The following QSER1 variants were observed in gnomAD, a reference collection of about 807,000 sequenced individuals.
QSER1 encodes the protein glutamine and serine rich 1, also known as glutamine and serine-rich protein 1.
A neutral mutation model predicts 158.5 loss-of-function variants in QSER1; 49 were observed. The ratio of observed to expected loss-of-function variants is 0.31; its 90% CI spans 0.25 to 0.39. The LOEUF (loss-of-function observed/expected upper bound fraction) is 0.39, where lower values mean the gene tolerates loss of function less well. QSER1 is among the 10% of genes least tolerant of loss of function. The pLI is 1.00. For synonymous variants in QSER1, 650 were observed against 715.5 expected (o/e 0.91, Z 1.46); for missense variants, 1,754 against 2,010.3 (o/e 0.87, Z 2.44).
chr11:32,931,902 A>G lies in QSER1; in HGVS notation c.644A>G (p.Asn215Ser), dbSNP rs1208184130. The change falls in exon 4 of 13, where the codon AAC becomes AGC. Residue 215 changes from asparagine (N) to serine (S), a missense_variant. Transcript: ENST00000650167. ...TTGGTGCTTCAGGATTCAACTTTTA[A>G]CACTACATCAAATGGAATTTTAAGT... ...SPLVLQDSTF[N>S]TTSNGILSHH... 6.2e-7 allele frequency: 1 copy of G among 1,614,198 alleles called. No homozygotes were observed. The highest frequency in any genetic ancestry group is 8.5e-7 in the Non-Finnish European group (1 of 1,180,026).
intron 4 of QSER1, among the ~76,000 whole-genome samples, chr11:32,950,282 C>T (rs1191186121): frequency 4.6e-5 from 7 of 151,962 alleles, no homozygotes; most frequent in Non-Finnish European, 8.8e-5. Context: ...TTAGTGGACA[C>T]GGGGTTTTAC....
intron 6 of QSER1, 31 bp downstream of exon 6, chr11:32,955,443 A>T: frequency 3.9e-6 from 4 of 1,032,544 alleles, no homozygotes; most frequent in Non-Finnish European, 4.4e-6. Flanking sequence ...CATTAGCCTT[A>T]TTTTGACAGT....
chr11:32,932,631 C>T lies in QSER1; in HGVS notation c.1373C>T (p.Thr458Ile). 1 of 1,614,106 alleles carries T rather than the reference C, an allele frequency of 6.2e-7. No individual in the cohort carries two copies. Among genetic ancestry groups the T allele is most frequent in the Non-Finnish European group, 8.5e-7 (1 of 1,180,020 alleles). The change falls in exon 4 of 13, where the codon ACA becomes ATA. Residue 458 changes from threonine (T) to isoleucine (I), a missense_variant. Transcript: ENST00000650167. Reference sequence around the variant, plus strand: ...TCGGGCCAAGCACAAATTTATTCTACAGCGCAGCTACCAAGCCTTTTATCA... The same window carrying T: ...TCGGGCCAAGCACAAATTTATTCTATAGCGCAGCTACCAAGCCTTTTATCA... ...VISGQAQIYSTAQLPSLLSVS... is the reference protein window; with the variant it reads ...VISGQAQIYSIAQLPSLLSVS...
chr11:32,973,125 A>AGATTTAAGG (rs1222959476), intron 10 of QSER1, among the ~76,000 whole-genome samples: 2 of 152,226 alleles, frequency 1.3e-5, no homozygotes, highest in African/African-American at 4.8e-5. Context: ...GAGTTGGCTC[A>AGATTTAAGG]GATTTAAGGG....
intron 1 of QSER1, among the ~76,000 whole-genome samples, chr11:32,901,108 C>A (rs1851619384): frequency 6.6e-6 from 1 of 152,196 alleles, no homozygotes; most frequent in Non-Finnish European, 1.5e-5. Flanking sequence ...TGTATTTTGA[C>A]TCCACCACTT....
At chr11:32,975,619 T>C (rs909955891) in intron 12 of QSER1, 2 of 1,242,996 alleles carry the variant, frequency 1.6e-6, no homozygotes, top group Middle Eastern at 2.2e-4. Context: ...TAATAAATGA[T>C]GTTTTATTGC....
At chr11:32,963,053 A>G (rs996825085) in intron 8 of QSER1, among the ~76,000 whole-genome samples, 2 of 152,222 alleles carry the variant, frequency 1.3e-5, no homozygotes, top group Non-Finnish European at 2.9e-5. Flanking sequence ...CTTTATGTGT[A>G]CCTGCTATTT....
chr11:32,938,951 A>G (rs901294966), intron 4 of QSER1, among the ~76,000 whole-genome samples: 2 of 152,214 alleles, frequency 1.3e-5, no homozygotes, highest in African/African-American at 4.8e-5. Flanking sequence ...TAAAAAGACC[A>G]ATGGAGTATA....
Position 32,933,436 on chromosome 11 carries a change from T to C in QSER1, c.2178T>C (p.Tyr726=), listed in dbSNP as rs1479085964. The part of the protein sequence containing the change: ...DGEINAQEST[Y]KVSKADDRYS... The stretch of plus-strand genomic sequence containing the variant: ...AAATTAATGCTCAAGAATCAACTTA[T>C]AAGGTGTCAAAGGCAGATGACAGAT... The change falls in exon 4 of 13, where the codon TAT becomes TAC. Residue 726 remains tyrosine, a synonymous_variant. Transcript: ENST00000650167. 1.1e-5 allele frequency: 17 copies of C among 1,613,598 alleles called. No individual in the cohort carries two copies. Among genetic ancestry groups the C allele is most frequent in the African/African-American group, 2.7e-5 (2 of 74,914 alleles).
At chr11:32,951,813 ATAG>A (rs745990765) in intron 4 of QSER1, among the ~76,000 whole-genome samples, 1 of 150,146 alleles carries the variant, frequency 6.7e-6, no homozygotes, top group Non-Finnish European at 1.5e-5. Flanking sequence ...TTTAGTTCTA[ATAG>A]TTTTTTAGTA....
intron 4 of QSER1, among the ~76,000 whole-genome samples, chr11:32,942,472 C>A (rs897917093): frequency 6.9e-6 from 1 of 143,896 alleles, no homozygotes; most frequent in African/African-American, 2.5e-5. Context: ...TTTCCCAGCA[C>A]CATTTATTAA....
At chr11:32,949,453 G>A (rs1852387345) in intron 4 of QSER1, among the ~76,000 whole-genome samples, 1 of 152,108 alleles carries the variant, frequency 6.6e-6, no homozygotes, top group Non-Finnish European at 1.5e-5. Flanking sequence ...ATCTCAATAA[G>A]TACTGTCCAT....
intron 8 of QSER1, among the ~76,000 whole-genome samples, chr11:32,964,731 T>TAC (rs1356506353): frequency 3.2e-4 from 36 of 113,084 alleles, no homozygotes; most frequent in South Asian, 5.8e-4. Flanking sequence ...TATATATATA[T>TAC]ATATATATAC....
At position 32,979,319 on chromosome 11, in the gene QSER1, GA is replaced by G. The variant is rs1237651986; in HGVS notation, c.*2846del. The G allele has an allele frequency of 6.6e-6, 1 of 152,520 alleles. No homozygotes were observed. Among genetic ancestry groups the G allele is most frequent in the Admixed American group, 6.5e-5 (1 of 15,276 alleles). The allele number at this position is 152,520 out of a possible 1,614,324, so 9.4% of individuals were successfully genotyped here. A position where few individuals can be genotyped will look rare whatever the true frequency, so the allele number is the denominator to read the frequency against. The stretch of plus-strand genomic sequence containing the variant: ...AACCCAGGAAAGTATTTTTAAGAAA[GA>G]TTGGATTTTCCTACCTTTAGAGATC... On this transcript the variant is annotated 3_prime_UTR_variant, in exon 13 of 13. Coordinates refer to ENST00000650167, the MANE Select transcript of QSER1 (RefSeq NM_001076786.3).
chr11:32,963,356 CTGTT>C (rs1199642949), intron 8 of QSER1, among the ~76,000 whole-genome samples: 9 of 151,754 alleles, frequency 5.9e-5, no homozygotes, highest in African/African-American at 1.2e-4. Flanking sequence ...TGCCCAGGCT[CTGTT>C]TGTTTGTTTG....
chr11:32,946,182 A>T (rs1308134523), intron 4 of QSER1, among the ~76,000 whole-genome samples: 1 of 151,564 alleles, frequency 6.6e-6, no homozygotes, highest in Non-Finnish European at 1.5e-5. Flanking sequence ...TTTGGTTTGA[A>T]TGTCCTCCCG....
intron 12 of QSER1, 120 bp downstream of exon 12, chr11:32,975,463 T>G (rs186035513): frequency 6.6e-7 from 1 of 1,525,358 alleles, no homozygotes; most frequent in East Asian, 2.4e-5. Flanking sequence ...GTATTTTGTC[T>G]ATGTATTCTG....
intron 3 of QSER1, among the ~76,000 whole-genome samples, chr11:32,930,447 T>C (rs1289913047): frequency 6.6e-6 from 1 of 152,192 alleles, no homozygotes; most frequent in Non-Finnish European, 1.5e-5. Flanking sequence ...AAAATATTTT[T>C]CAAAGAGCCA....
intron 4 of QSER1, among the ~76,000 whole-genome samples, chr11:32,943,848 G>T (rs1040675681): frequency 1.3e-5 from 2 of 152,142 alleles, no homozygotes; most frequent in African/African-American, 2.4e-5. Flanking sequence ...GAATTCGGCT[G>T]TGAATCCATC....
Sources: allele counts gnomAD v4.1 joint callset (sites outside exome capture counted in the v4.1 genomes callset), GRCh38; gene constraint gnomAD v4.1.1; transcripts MANE v1.5; gene names NCBI Gene and HGNC (gene_info 2026-07-23, HGNC 2026-07-21).